Variants in NME7 observed in about 807,000 individuals in gnomAD.
The protein encoded by NME7 is NME/NM23 family member 7.
In NME7, 41 loss-of-function variants were observed where a neutral mutation model predicts 49.1. That is an observed-to-expected ratio of 0.83 (90% confidence interval 0.65 to 1.08). NME7 has a LOEUF of 1.08. NME7 is among the 50% of genes least tolerant of loss of function. The pLI is 0.00. For synonymous variants in NME7, 139 were observed against 150.6 expected, an observed-to-expected ratio of 0.92 and a Z score of 0.56; for missense variants, 423 against 463.4, an observed-to-expected ratio of 0.91 and a Z score of 0.80.
At chr1:169,340,347 C>T (rs1182860595) in intron 1 of NME7, among the ~76,000 whole-genome samples, 2 of 152,194 alleles carry the variant, frequency 1.3e-5, no homozygotes, top group African/African-American at 4.8e-5. Flanking sequence ...CTTTTGCCTA[C>T]TGCCATGATT....
In NME7 at chr1:169,230,693, GATA is replaced by G. The variant is rs573370445; in HGVS notation, c.990+22_990+24del. On this transcript the variant is annotated intron_variant, in intron 10 of 11. Transcript: ENST00000367811. ...ATAGTGAATAGATAACACAAACTAG[GATA>G]ATATTTTAAACAATAACTTACAGGA... is the stretch of plus-strand genomic sequence containing the variant. The G allele has an allele frequency of 9.8e-5, 147 of 1,501,326 alleles. No homozygotes were observed. In the African/African-American group the frequency reaches 1.8e-3, roughly 19 times the overall value. The allele number at this position is 1,501,326 out of a possible 1,614,324, so 93.0% of individuals were successfully genotyped here.
In NME7 at chr1:169,367,755, G is replaced by A; in HGVS notation, c.-45C>T. The A allele has an allele frequency of 6.2e-7, 1 of 1,613,036 alleles. No individual in the cohort carries two copies. Among genetic ancestry groups the A allele is most frequent in the Non-Finnish European group, 8.5e-7 (1 of 1,179,176 alleles). ...TAGAAAATAGGTATCGTTGAGACAG[G>A]AAGACACCACCACCACCACCATCAT... On this transcript the variant is annotated 5_prime_UTR_variant, in exon 1 of 12. Transcript: ENST00000367811.
chr1:169,136,252 G>A (rs1464791436), intron 11 of NME7, among the ~76,000 whole-genome samples: 2 of 152,184 alleles, frequency 1.3e-5, no homozygotes, highest in East Asian at 1.9e-4. Flanking sequence ...TAACCAGCAG[G>A]TAAAGATTAG....
At chr1:169,293,113 C>A (rs1209810062) in intron 6 of NME7, among the ~76,000 whole-genome samples, 1 of 151,286 alleles carries the variant, frequency 6.6e-6, no homozygotes, top group African/African-American at 2.4e-5. Context: ...TGGGCAATAT[C>A]ACAAGACCCT....
intron 7 of NME7, among the ~76,000 whole-genome samples, chr1:169,240,264 G>T (rs751073117): frequency 3.3e-5 from 5 of 151,682 alleles, no homozygotes; most frequent in Non-Finnish European, 7.4e-5. Flanking sequence ...TAAGCCAAAA[G>T]GTCAGGAAGA....
At chr1:169,329,480 T>C (rs2101945039) in intron 1 of NME7, among the ~76,000 whole-genome samples, 1 of 134,016 alleles carries the variant, frequency 7.5e-6, no homozygotes, top group Non-Finnish European at 1.6e-5. Flanking sequence ...TTCCATCAAA[T>C]AAATTTAACA....
chr1:169,278,298 A>G (rs1321980920), intron 7 of NME7, among the ~76,000 whole-genome samples: 1 of 151,154 alleles, frequency 6.6e-6, no homozygotes, highest in Admixed American at 6.6e-5. Context: ...ACTTGGTTCC[A>G]TTCTCCCCGT....
At chr1:169,167,298 G>A (rs1286412301) in intron 11 of NME7, among the ~76,000 whole-genome samples, 1 of 151,990 alleles carries the variant, frequency 6.6e-6, no homozygotes, top group Non-Finnish European at 1.5e-5. Context: ...GTATGAAAAT[G>A]AAAACAAAAT....
intron 10 of NME7, among the ~76,000 whole-genome samples, chr1:169,216,136 C>G (rs1660967122): frequency 6.6e-6 from 1 of 152,238 alleles, no homozygotes; most frequent in African/African-American, 2.4e-5. Flanking sequence ...TGGGATACAA[C>G]TCCTAGAATC....
chr1:169,248,397 T>C (rs1291642652), intron 7 of NME7, among the ~76,000 whole-genome samples: 1 of 152,096 alleles, frequency 6.6e-6, no homozygotes, highest in East Asian at 1.9e-4. Flanking sequence ...AGATGTATAG[T>C]TTGCAGATAT....
At chr1:169,210,728 G>A (rs1571294243) in intron 10 of NME7, among the ~76,000 whole-genome samples, 1 of 148,640 alleles carries the variant, frequency 6.7e-6, no homozygotes, top group Admixed American at 6.7e-5. Flanking sequence ...AATAAAATGG[G>A]GAAAAAAGAA....
At chr1:169,169,728 A>C (rs1312895705) in intron 10 of NME7, among the ~76,000 whole-genome samples, 174 bp from the exon 11 acceptor site, 1 of 151,792 alleles carries the variant, frequency 6.6e-6, no homozygotes, top group East Asian at 1.9e-4. Context: ...CATCGGGGAA[A>C]AATAATAATT....
intron 10 of NME7, among the ~76,000 whole-genome samples, chr1:169,180,717 A>G (rs928343395): frequency 2.0e-5 from 3 of 152,244 alleles, no homozygotes; most frequent in African/African-American, 7.2e-5. Context: ...AGTGAAATTA[A>G]TTTTAACAAA....
At chr1:169,224,345 C>T (rs1210277825) in intron 10 of NME7, among the ~76,000 whole-genome samples, 1 of 152,166 alleles carries the variant, frequency 6.6e-6, no homozygotes, top group Non-Finnish European at 1.5e-5. Flanking sequence ...ATTCCTTCTA[C>T]AGGGAAACCA....
At chr1:169,185,491 T>C (rs985160500) in intron 10 of NME7, among the ~76,000 whole-genome samples, 4 of 152,194 alleles carry the variant, frequency 2.6e-5, no homozygotes, top group Non-Finnish European at 5.9e-5. Context: ...GTGAAGCTTA[T>C]TAATACTTTC....
At chr1:169,280,694 CTATT>C (rs1298974030) in intron 7 of NME7, among the ~76,000 whole-genome samples, 2 of 147,826 alleles carry the variant, frequency 1.4e-5, no homozygotes, top group Non-Finnish European at 2.9e-5. Flanking sequence ...TTTCCCAACA[CTATT>C]TATTAAATAG....
chr1:169,169,691 G>T, intron 10 of NME7, 137 bp from the exon 11 acceptor site: 1 of 676,414 alleles, frequency 1.5e-6, no homozygotes, highest in Non-Finnish European at 2.4e-6. Flanking sequence ...TTTTTCTGTG[G>T]CCCAATGTAA....
intron 6 of NME7, among the ~76,000 whole-genome samples, chr1:169,297,107 G>A (rs1650741040): frequency 6.6e-6 from 1 of 152,016 alleles, no homozygotes; most frequent in African/African-American, 2.4e-5. Flanking sequence ...TGGAGTAGCT[G>A]GGATTACAGG....
chr1:169,144,001 C>A (rs1446466393), intron 11 of NME7, among the ~76,000 whole-genome samples: 1 of 152,102 alleles, frequency 6.6e-6, no homozygotes, highest in Non-Finnish European at 1.5e-5. Context: ...TGGACTAACC[C>A]TATGAATAAA....
Sources: allele counts gnomAD v4.1 joint callset (sites outside exome capture counted in the v4.1 genomes callset), GRCh38; gene constraint gnomAD v4.1.1; transcripts MANE v1.5; gene names NCBI Gene and HGNC (gene_info 2026-07-23, HGNC 2026-07-21).